Variants in MTUS1 observed in about 807,000 individuals in gnomAD.
The protein encoded by MTUS1 is microtubule associated scaffold protein 1.
A neutral mutation model predicts 120.8 loss-of-function variants in MTUS1; 109 were observed. The observed-to-expected ratio is 0.90, with a 90% CI of 0.77 to 1.06. The LOEUF (loss-of-function observed/expected upper bound fraction) is 1.06, where lower values mean the gene tolerates loss of function less well. Ranked by LOEUF, MTUS1 falls within the 50% of genes least tolerant of loss-of-function variation. The probability of loss-of-function intolerance (pLI) is 0.00; values close to 1 mark genes in which losing one functional copy is unlikely to be tolerated. For synonymous variants in MTUS1, 737 were observed against 550.5 expected (o/e 1.34, Z -4.74); for missense variants, 2,210 against 1,486.3 (o/e 1.49, Z -8.01).
chr8:17,726,254 T>G (rs1031963512), intron 3 of MTUS1, among the ~76,000 whole-genome samples: 5 of 152,056 alleles, frequency 3.3e-5, no homozygotes, highest in African/African-American at 1.2e-4. Flanking sequence ...GCACCTGGAG[T>G]TTCTGAAGCA....
At chr8:17,692,478 G>A (rs1342482077) in intron 6 of MTUS1, among the ~76,000 whole-genome samples, 1 of 152,164 alleles carries the variant, frequency 6.6e-6, no homozygotes, top group East Asian at 1.9e-4. Context: ...GAGACAAGTT[G>A]CTTCTTAGTG....
chr8:17,683,515 C>A (rs538195259), intron 7 of MTUS1, among the ~76,000 whole-genome samples: 2 of 152,140 alleles, frequency 1.3e-5, no homozygotes, highest in Non-Finnish European at 2.9e-5. Context: ...TGGTCTTGAA[C>A]TCCTGACCAC....
intron 3 of MTUS1, among the ~76,000 whole-genome samples, chr8:17,725,349 C>A (rs2046154705): frequency 6.6e-6 from 1 of 152,148 alleles, no homozygotes. Flanking sequence ...CTCCTCAGGC[C>A]TGGCATTTGA....
At chr8:17,651,556 T>C (rs1476691916) in intron 12 of MTUS1, 1 of 149,144 alleles carries the variant, frequency 6.7e-6, no homozygotes, top group Non-Finnish European at 1.5e-5. Context: ...ACCTTGAAAA[T>C]AGCGAATCCT....
intron 3 of MTUS1, 125 bp downstream of exon 3, chr8:17,743,479 G>C (rs1215746834): frequency 1.2e-6 from 1 of 860,288 alleles, no homozygotes; most frequent in Admixed American, 2.7e-5. Flanking sequence ...TCTACCTCCT[G>C]TGCTCAGGAT....
intron 2 of MTUS1, among the ~76,000 whole-genome samples, chr8:17,744,689 C>CTTTTTTTTTTTTTTTTTTTTTTT (rs58283163): frequency 2.6e-4 from 26 of 99,024 alleles, no homozygotes; most frequent in Admixed American, 6.8e-4. Context: ...ACCATGTTTT[C>CTTTTTTTTTTTTTTTTTTTTTTT]TTTTTTTTTT....
At chr8:17,674,534 G>A (rs1170216670) in intron 8 of MTUS1, 17 of 985,698 alleles carry the variant, frequency 1.7e-5, no homozygotes, top group East Asian at 1.1e-4. Context: ...AAATAACAGC[G>A]TAGCCTGGAA....
At chr8:17,758,674 C>T (rs1466716490) in intron 1 of MTUS1, among the ~76,000 whole-genome samples, 1 of 152,184 alleles carries the variant, frequency 6.6e-6, no homozygotes, top group Non-Finnish European at 1.5e-5. Flanking sequence ...ACAGCTAATA[C>T]TCAGTTAACA....
chr8:17,669,425 G>A (rs948671764), intron 8 of MTUS1, among the ~76,000 whole-genome samples: 2 of 152,172 alleles, frequency 1.3e-5, no homozygotes, highest in Admixed American at 6.5e-5. Context: ...TCTGAACAAA[G>A]GGGAAAGAGT....
intron 1 of MTUS1, among the ~76,000 whole-genome samples, chr8:17,783,707 A>G (rs17125426): frequency 0.27 from 40,976 of 151,980 alleles, 7,086 homozygotes; most frequent in African/African-American, 0.47. Flanking sequence ...TATTGGTGAC[A>G]GCCTTTACAA....
chr8:17,648,969 G>A (rs1020144585), intron 13 of MTUS1, among the ~76,000 whole-genome samples: 2 of 152,348 alleles, frequency 1.3e-5, no homozygotes, highest in East Asian at 1.9e-4. Flanking sequence ...CAAGACTGAC[G>A]CTGAACACTG....
chr8:17,778,272 A>G (rs572274124), intron 1 of MTUS1, among the ~76,000 whole-genome samples: 30 of 152,310 alleles, frequency 2.0e-4, no homozygotes. Context: ...CGTCACACAC[A>G]AAAGTCTCCA....
intron 7 of MTUS1, among the ~76,000 whole-genome samples, chr8:17,678,930 G>T (rs1813682866): frequency 6.6e-6 from 1 of 152,082 alleles, no homozygotes; most frequent in African/African-American, 2.4e-5. Context: ...GTCTAACTAA[G>T]CAAGGATAAA....
chr8:17,785,431 G>T (rs895127324), intron 1 of MTUS1, among the ~76,000 whole-genome samples: 1 of 152,144 alleles, frequency 6.6e-6, no homozygotes, highest in African/African-American at 2.4e-5. Flanking sequence ...TTATGGACCT[G>T]TGACATCCAC....
Position 17,723,718 on chromosome 8 carries a change from G to A in MTUS1, c.2403C>T (p.Pro801=), listed in dbSNP as rs1340769853. The A allele has an allele frequency of 1.2e-6, 2 of 1,611,042 alleles. No homozygotes were observed. Among genetic ancestry groups the A allele is most frequent in the South Asian group, 1.1e-5 (1 of 90,962 alleles). ...SPALRRTGST[P]SIASTHSELS... ...GCTCACTGTGGGTGCTGGCTATTGA[G>A]GGGGTGCTTCCTGTCCTCCGCAGCG... Residue 801 remains proline (P), a synonymous_variant, in exon 4 of 15, where the codon CCC becomes CCT. Coordinates refer to ENST00000693296, the MANE Select transcript of MTUS1 (RefSeq NM_001363059.2).
rs560572126 is a variant in MTUS1, at chr8:17,755,725, G to T, written c.83C>A (p.Ala28Glu). 2 of 1,614,110 alleles carry T rather than the reference G, an allele frequency of 1.2e-6. No homozygotes were observed. Among genetic ancestry groups the T allele is most frequent in the East Asian group, 2.2e-5 (1 of 44,880 alleles). Residue 28 changes from alanine to glutamate, a missense_variant, in exon 2 of 15, where the codon GCA becomes GAA. Coordinates refer to ENST00000693296, the MANE Select transcript of MTUS1 (RefSeq NM_001363059.2). ...TGTAGGTGGTGATTTCGGGTTGTAT[G>T]CATGTGTATTTCCATCTTTATCACT... ...FTSDKDGNTHAYNPKSPPTQN... is the reference protein window; with the variant it reads ...FTSDKDGNTHEYNPKSPPTQN...
intron 13 of MTUS1, among the ~76,000 whole-genome samples, chr8:17,649,304 A>G (rs1422555800): frequency 1.3e-5 from 2 of 152,088 alleles, no homozygotes; most frequent in Non-Finnish European, 1.5e-5. Context: ...TGACCCACCC[A>G]TCTCAACCTC....
intron 1 of MTUS1, among the ~76,000 whole-genome samples, chr8:17,777,331 T>G (rs538858155): frequency 6.6e-6 from 1 of 151,628 alleles, no homozygotes; most frequent in African/African-American, 2.4e-5. Flanking sequence ...TCCCAGCTAC[T>G]TGGAGGCTGA....
intron 7 of MTUS1, among the ~76,000 whole-genome samples, chr8:17,680,071 T>C (rs538898956): frequency 3.6e-4 from 55 of 152,148 alleles, no homozygotes; most frequent in African/African-American, 1.3e-3. Flanking sequence ...ATTAAACCGG[T>C]ATCTCTAATA....
Sources: allele counts gnomAD v4.1 joint callset (sites outside exome capture counted in the v4.1 genomes callset), GRCh38; gene constraint gnomAD v4.1.1; transcripts MANE v1.5; gene names NCBI Gene and HGNC (gene_info 2026-07-23, HGNC 2026-07-21).